MAGI2: variants seen among roughly 807,000 people sequenced by gnomAD.
MAGI2 encodes membrane associated guanylate kinase, WW and PDZ domain containing 2, also known as membrane-associated guanylate kinase, WW and PDZ domain-containing protein 2.
In MAGI2, 35 loss-of-function variants were observed where a neutral mutation model predicts 133.3. The observed-to-expected ratio is 0.26, with a 90% CI of 0.20 to 0.35. The LOEUF (loss-of-function observed/expected upper bound fraction) is 0.35, where lower values mean the gene tolerates loss of function less well. Ranked by LOEUF, MAGI2 falls within the 10% of genes least tolerant of loss-of-function variation. The pLI, the probability that MAGI2 is intolerant of heterozygous loss-of-function variation, is 1.00. For synonymous variants in MAGI2, 729 were observed against 710.6 expected (o/e 1.03, Z -0.41); for missense variants, 1,636 against 1,863.4 (o/e 0.88, Z 2.25).
intron 2 of MAGI2, among the ~76,000 whole-genome samples, chr7:78,861,018 T>G (rs898255743): frequency 1.3e-5 from 2 of 152,096 alleles, no homozygotes; most frequent in African/African-American, 4.8e-5. Context: ...TGAGTGAGGC[T>G]CCCTGGGCAT....
chr7:79,453,013 C>T lies in MAGI2; in HGVS notation c.301+7G>A, dbSNP rs370185654. 6.5e-5 allele frequency: 102 copies of T among 1,565,580 alleles called. No homozygotes were observed. Among genetic ancestry groups the T allele is most frequent in the Middle Eastern group, 1.8e-4 (1 of 5,668 alleles). ...CGGCAAAACACTGAGCAAGCCGCTGCTCTCACCTTGCTTGACACACTTGAG... is the reference window on the plus strand; with the variant it reads ...CGGCAAAACACTGAGCAAGCCGCTGTTCTCACCTTGCTTGACACACTTGAG... On this transcript the variant is annotated splice_region_variant and intron_variant, in intron 1 of 21. Coordinates refer to ENST00000354212, the MANE Select transcript of MAGI2 (RefSeq NM_012301.4).
intron 10 of MAGI2, 110 bp from the exon 11 acceptor site, chr7:78,201,303 C>A: frequency 3.8e-6 from 2 of 530,580 alleles, no homozygotes; most frequent in South Asian, 7.3e-5. Flanking sequence ...TAACAGCGAA[C>A]AATAACAAAA....
At chr7:79,442,535 C>T (rs1270624137) in intron 1 of MAGI2, among the ~76,000 whole-genome samples, 5 of 151,538 alleles carry the variant, frequency 3.3e-5, no homozygotes, top group Admixed American at 6.6e-5. Context: ...ACTAGGGTGA[C>T]TCCCACGCTA....
intron 2 of MAGI2, among the ~76,000 whole-genome samples, chr7:78,671,099 A>C (rs1338633132): frequency 6.6e-6 from 1 of 152,126 alleles, no homozygotes; most frequent in Non-Finnish European, 1.5e-5. Flanking sequence ...TAAGATTATC[A>C]AACCTATGAA....
At chr7:78,033,519 C>G (rs1252865481) in intron 21 of MAGI2, among the ~76,000 whole-genome samples, 2 of 149,464 alleles carry the variant, frequency 1.3e-5, no homozygotes, top group Non-Finnish European at 3.0e-5. Context: ...AATTTTTATA[C>G]AGGCTTGTGC....
rs149329818 is a variant in MAGI2, at chr7:78,340,323, C to T, written c.1408+3455G>A. 5.6e-3 allele frequency among the ~76,000 whole-genome samples: 846 copies of T among 151,962 alleles called. 7 individuals carry two copies. The highest frequency in any genetic ancestry group is 0.019 in the African/African-American group (793 of 41,446). ...TGAAATTGAGGCAGTAATAGCCTAC[C>T]AACCAAAAAATGTCCAGGACCAGAC... On this transcript the variant is annotated intron_variant, in intron 9 of 21. Transcript: ENST00000354212.
At chr7:79,441,742 T>A (rs1848510191) in intron 1 of MAGI2, among the ~76,000 whole-genome samples, 1 of 152,146 alleles carries the variant, frequency 6.6e-6, no homozygotes, top group Admixed American at 6.5e-5. Flanking sequence ...TTAGTTTTAG[T>A]TTTTCTTTAC....
At chr7:79,437,809 G>T (rs953615747) in intron 1 of MAGI2, among the ~76,000 whole-genome samples, 2 of 152,038 alleles carry the variant, frequency 1.3e-5, no homozygotes, top group African/African-American at 4.8e-5. Context: ...TATCTGACTT[G>T]CTAATAAAGT....
intron 1 of MAGI2, among the ~76,000 whole-genome samples, chr7:79,181,714 G>A (rs913489129): frequency 1.3e-5 from 2 of 151,918 alleles, no homozygotes; most frequent in Admixed American, 1.3e-4. Context: ...CTTTTCTGTT[G>A]CATTGTCAGG....
intron 2 of MAGI2, among the ~76,000 whole-genome samples, chr7:78,649,242 A>AAAAAAAAAAAAAAAG (rs1554512645): frequency 1.3e-5 from 2 of 149,550 alleles, no homozygotes; most frequent in Non-Finnish European, 3.0e-5. Context: ...AAAAGAAAAA[A>AAAAAAAAAAAAAAAG]AAAGAAAAAA....
At chr7:78,553,488 T>C (rs539743798) in intron 3 of MAGI2, among the ~76,000 whole-genome samples, 2 of 152,348 alleles carry the variant, frequency 1.3e-5, no homozygotes, top group African/African-American at 4.8e-5. Flanking sequence ...AAAGTGTTAC[T>C]GGTGAAGGAA....
intron 6 of MAGI2, among the ~76,000 whole-genome samples, chr7:78,395,716 T>C (rs1796286925): frequency 6.6e-6 from 1 of 152,206 alleles, no homozygotes; most frequent in Admixed American, 6.5e-5. Context: ...CTTTTTTCTA[T>C]TTTATACTAT....
intron 2 of MAGI2, among the ~76,000 whole-genome samples, chr7:79,002,909 TG>T (rs1371564329): frequency 2.7e-5 from 4 of 149,206 alleles, no homozygotes; most frequent in African/African-American, 7.4e-5. Context: ...GTTGTTTGCT[TG>T]TTTTTTTTTT....
intron 1 of MAGI2, among the ~76,000 whole-genome samples, chr7:79,052,363 A>G (rs1281501978): frequency 3.9e-5 from 6 of 152,238 alleles, no homozygotes; most frequent in Admixed American, 3.9e-4. Flanking sequence ...AAAATTGTTA[A>G]GAATTGCAAG....
intron 10 of MAGI2, among the ~76,000 whole-genome samples, chr7:78,235,840 C>T (rs556439925): frequency 5.9e-5 from 9 of 152,094 alleles, no homozygotes; most frequent in African/African-American, 2.2e-4. Flanking sequence ...ATTGAGAACC[C>T]TGGGGTTTTT....
rs148910854 is a variant in MAGI2, at chr7:78,247,100, T to C, written c.2047+8843A>G. Among the ~76,000 whole-genome samples, 1,288 of 152,218 alleles carry C rather than the reference T, an allele frequency of 8.5e-3. 18 individuals are homozygous for C. Among genetic ancestry groups the C allele is most frequent in the African/African-American group, 0.03 (1,228 of 41,528 alleles). ...AGCCCAGTGCTGCTGCAGCTGCATA[T>C]GCTGCAGCTGCATATTGACCATGTT... On this transcript the variant is annotated intron_variant, in intron 10 of 21. Coordinates refer to ENST00000354212, the MANE Select transcript of MAGI2 (RefSeq NM_012301.4).
intron 4 of MAGI2, chr7:78,518,434 G>T (rs1003231130): frequency 2.0e-5 from 3 of 152,120 alleles, no homozygotes. Flanking sequence ...AATCTGTAAA[G>T]CAGTACCTAG....
At chr7:79,226,844 T>A (rs556893641) in intron 1 of MAGI2, among the ~76,000 whole-genome samples, 1 of 152,312 alleles carries the variant, frequency 6.6e-6, no homozygotes, top group East Asian at 1.9e-4. Flanking sequence ...ATACTATGCA[T>A]CATAGCTTTG....
At chr7:78,467,452 A>C (rs1790750585) in intron 6 of MAGI2, among the ~76,000 whole-genome samples, 1 of 152,068 alleles carries the variant, frequency 6.6e-6, no homozygotes, top group African/African-American at 2.4e-5. Flanking sequence ...AAAACAAAAA[A>C]CTATCAGTAG....
Sources: gnomAD v4.1 joint callset for allele counts (sites outside exome capture counted in the v4.1 genomes callset) on GRCh38, gnomAD v4.1.1 for gene constraint, MANE v1.5 for transcripts, NCBI Gene and HGNC (gene_info 2026-07-23, HGNC 2026-07-21) for gene names.